The following C10orf143 variants were observed in gnomAD, a reference collection of about 807,000 sequenced individuals.
The protein encoded by C10orf143 is uncharacterized protein C10orf143.
chr10:130,061,733 C>T (rs879938356), downstream of C10orf143, among the ~76,000 whole-genome samples: 1 of 152,218 alleles, frequency 6.6e-6, no homozygotes, highest in Non-Finnish European at 1.5e-5. Context: ...GTCATGGGTG[C>T]ATCAAGACCC....
At chr10:130,091,172 C>T (rs894141985) in intron 1 of C10orf143, among the ~76,000 whole-genome samples, 10 of 152,182 alleles carry the variant, frequency 6.6e-5, no homozygotes, top group African/African-American at 1.9e-4. Context: ...GAGGAGAGCT[C>T]CAGCTGGCAT....
At chr10:130,071,740 G>A (rs1182096919) in intron 3 of C10orf143, among the ~76,000 whole-genome samples, 1 of 152,130 alleles carries the variant, frequency 6.6e-6, no homozygotes, top group East Asian at 1.9e-4. Flanking sequence ...AGATTCTCCT[G>A]CCTCAGCCTC....
intron 3 of C10orf143, among the ~76,000 whole-genome samples, chr10:130,038,270 G>A (rs1446832834): frequency 1.3e-5 from 2 of 152,180 alleles, no homozygotes; most frequent in African/African-American, 2.4e-5. Flanking sequence ...TCGGGTTCGG[G>A]ACTGCTCATT....
At chr10:130,050,715 A>G (rs1442948115) in intron 3 of C10orf143, among the ~76,000 whole-genome samples, 1 of 152,238 alleles carries the variant, frequency 6.6e-6, no homozygotes, top group Non-Finnish European at 1.5e-5. Flanking sequence ...AGAAGCATGC[A>G]TTCTCTCTCA....
intron 3 of C10orf143, among the ~76,000 whole-genome samples, chr10:130,037,607 A>T (rs1208964196): frequency 6.6e-6 from 1 of 152,196 alleles, no homozygotes; most frequent in Non-Finnish European, 1.5e-5. Flanking sequence ...GCTGAGGGCA[A>T]CTGTAGCTCA....
intron 3 of C10orf143, among the ~76,000 whole-genome samples, chr10:130,055,077 CAATGTAAGTCCTAA>C (rs1300638526): frequency 3.9e-5 from 6 of 152,028 alleles, no homozygotes; most frequent in African/African-American, 1.4e-4. Context: ...TTAAAGACTT[CAATGTAAGTCCTAA>C]AACTATAAAA....
intron 1 of C10orf143, among the ~76,000 whole-genome samples, chr10:130,098,017 TAAAA>T (rs59790850): frequency 1.4e-5 from 2 of 146,876 alleles, no homozygotes; most frequent in African/African-American, 5.1e-5. Flanking sequence ...ATTACACACT[TAAAA>T]AAAAAAAAAC....
intron 1 of C10orf143, among the ~76,000 whole-genome samples, chr10:130,110,268 T>TA (rs1861738228): frequency 6.6e-6 from 1 of 152,202 alleles, no homozygotes; most frequent in African/African-American, 2.4e-5. Flanking sequence ...GCTCCCCACG[T>TA]ACTCGTCCCC....
At chr10:130,102,219 C>T (rs1214921063) in intron 1 of C10orf143, among the ~76,000 whole-genome samples, 2 of 152,160 alleles carry the variant, frequency 1.3e-5, no homozygotes, top group African/African-American at 2.4e-5. Flanking sequence ...AATTTGTTTT[C>T]TGCTGTTTTT....
At chr10:130,085,893 A>G (rs894345052) in intron 1 of C10orf143, among the ~76,000 whole-genome samples, 29 of 152,336 alleles carry the variant, frequency 1.9e-4, no homozygotes, top group African/African-American at 6.5e-4. Context: ...TTTGAGCAAC[A>G]TAAAATAAAC....
intron 3 of C10orf143, among the ~76,000 whole-genome samples, chr10:130,053,134 C>T (rs1860755362): frequency 6.6e-6 from 1 of 152,206 alleles, no homozygotes. Context: ...GATCTCGGCT[C>T]ACTGCAACCT....
At chr10:130,039,470 G>A (rs1359126580) in intron 3 of C10orf143, among the ~76,000 whole-genome samples, 1 of 152,100 alleles carries the variant, frequency 6.6e-6, no homozygotes, top group African/African-American at 2.4e-5. Flanking sequence ...AGCAGAGAGA[G>A]CAAACGTGCC....
chr10:130,049,982 T>G lies in C10orf143; in HGVS notation c.298-14012A>C, dbSNP rs375783002. On this transcript the variant is annotated intron_variant and NMD_transcript_variant, in intron 3 of 5. Coordinates refer to the C10orf143 transcript ENST00000643056. ...TAAAACCATCGGTGATGAAATTGAG[T>G]GGTTTAAAATCTCATCTCCAAGTGT... 1.2e-3 allele frequency among the ~76,000 whole-genome samples: 179 copies of G among 152,134 alleles called. 1 individual carries two copies. Among genetic ancestry groups the G allele is most frequent in the African/African-American group, 4.1e-3 (170 of 41,508 alleles).
intron 3 of C10orf143, among the ~76,000 whole-genome samples, chr10:130,074,583 G>A (rs1861085325): frequency 6.6e-6 from 1 of 152,130 alleles, no homozygotes; most frequent in Non-Finnish European, 1.5e-5. Flanking sequence ...AGCAAGCACA[G>A]GCAGTGTTCT....
chr10:130,070,457 T>C (rs1184464757), intron 3 of C10orf143, among the ~76,000 whole-genome samples: 2 of 152,210 alleles, frequency 1.3e-5, no homozygotes, highest in Non-Finnish European at 2.9e-5. Flanking sequence ...CATCCCTTCA[T>C]GCTTAGCCAG....
chr10:130,048,626 G>A (rs771676561), intron 3 of C10orf143, among the ~76,000 whole-genome samples: 18 of 152,238 alleles, frequency 1.2e-4, no homozygotes, highest in Non-Finnish European at 2.1e-4. Flanking sequence ...CTAGCCCCAC[G>A]GCTACAAAAG....
chr10:130,087,476 C>T (rs1399642100), intron 1 of C10orf143, among the ~76,000 whole-genome samples: 1 of 152,232 alleles, frequency 6.6e-6, no homozygotes, highest in East Asian at 1.9e-4. Flanking sequence ...CTGTTTCAAA[C>T]GATGCTAAAT....
chr10:130,037,976 C>T (rs763750025), intron 3 of C10orf143, among the ~76,000 whole-genome samples: 5 of 152,158 alleles, frequency 3.3e-5, no homozygotes, highest in Middle Eastern at 3.2e-3. Context: ...GCTTTGTCTG[C>T]GAATACATTC....
At chr10:130,047,642 G>A (rs1413445167) in intron 3 of C10orf143, among the ~76,000 whole-genome samples, 1 of 152,180 alleles carries the variant, frequency 6.6e-6, no homozygotes, top group Non-Finnish European at 1.5e-5. Context: ...TGAATGATGA[G>A]GGGTCCACCT....
Sources: allele counts gnomAD v4.1 joint callset (sites outside exome capture counted in the v4.1 genomes callset), GRCh38; gene constraint gnomAD v4.1.1; transcripts MANE v1.5; gene names NCBI Gene and HGNC (gene_info 2026-07-23, HGNC 2026-07-21).